The following CERK variants were observed in gnomAD, a reference collection of about 807,000 sequenced individuals.
CERK encodes the protein acylsphingosine kinase.
In CERK, 39 loss-of-function variants were observed where a neutral mutation model predicts 63.4. The ratio of observed to expected loss-of-function variants is 0.61; its 90% CI spans 0.48 to 0.80. The LOEUF (loss-of-function observed/expected upper bound fraction) is 0.80, where lower values mean the gene tolerates loss of function less well. Ranked by LOEUF, CERK falls within the 30% of genes least tolerant of loss-of-function variation. CERK has a pLI of 0.00. For synonymous variants in CERK, 302 were observed against 280.0 expected (o/e 1.08, Z -0.78); for missense variants, 670 against 714.1 (o/e 0.94, Z 0.70).
At chr22:46,693,957 G>A (rs1032571585) in intron 9 of CERK, 1 of 174,260 alleles carries the variant, frequency 5.7e-6, no homozygotes, top group African/African-American at 2.4e-5. Flanking sequence ...CATTCGTCTA[G>A]CACGTCCTTC....
rs556758428 is a variant in CERK, at chr22:46,695,248, C to T, written c.1011G>A (p.Thr337=). The T allele has an allele frequency of 1.4e-4, 231 of 1,611,180 alleles. No individual in the cohort carries two copies. In the South Asian group the frequency reaches 2.0e-3, roughly 14 times the overall value. The change falls in exon 9 of 13, where the codon ACG becomes ACA. Residue 337 remains threonine, a synonymous_variant. Coordinates refer to ENST00000216264, the MANE Select transcript of CERK (RefSeq NM_022766.6). Reference sequence around the variant, plus strand: ...GCTTCCTATCCCTTGGAGATCCCACCGTGTGTTGTGCAGGGAGGAAGGACA... The same window carrying T: ...GCTTCCTATCCCTTGGAGATCCCACTGTGTGTTGTGCAGGGAGGAAGGACA... ...GTVSFLPAQH[T]VGSPRDRKPC...
rs1420399588 is a variant in CERK, at chr22:46,691,656, C to T, written c.1248G>A (p.Gly416=). ...TCCGGATGAGGATGAGGTCAGAAGA[C>T]CCGTCTCCCAAGTGGGCAGCCGGGG... ...GLSPAAHLGD[G]SSDLILIRKC... The change falls in exon 11 of 13, where the codon GGG becomes GGA. Residue 416 remains glycine, a synonymous_variant. Coordinates refer to ENST00000216264, the MANE Select transcript of CERK (RefSeq NM_022766.6). 2.5e-6 allele frequency: 4 copies of T among 1,614,026 alleles called. No homozygotes were observed. Among genetic ancestry groups the T allele is most frequent in the Non-Finnish European group, 3.4e-6 (4 of 1,180,014 alleles).
chr22:46,702,840 T>G (rs2082794216), intron 6 of CERK, among the ~76,000 whole-genome samples: 1 of 152,214 alleles, frequency 6.6e-6, no homozygotes, highest in South Asian at 2.1e-4. Flanking sequence ...AAGAATGATT[T>G]GCATCCACAA....
chr22:46,692,089 T>C (rs1002518204), intron 10 of CERK, among the ~76,000 whole-genome samples: 1 of 152,178 alleles, frequency 6.6e-6, no homozygotes, highest in Non-Finnish European at 1.5e-5. Flanking sequence ...CCGCCGCCCG[T>C]CTGTGTGTGG....
intron 1 of CERK, among the ~76,000 whole-genome samples, chr22:46,732,510 G>C (rs1298560782): frequency 2.0e-5 from 3 of 151,640 alleles, no homozygotes; most frequent in Non-Finnish European, 4.4e-5. Context: ...GAGTATGAAA[G>C]TTTCTTAAAT....
chr22:46,732,112 C>A (rs956844616), intron 1 of CERK, among the ~76,000 whole-genome samples: 1 of 152,116 alleles, frequency 6.6e-6, no homozygotes, highest in Non-Finnish European at 1.5e-5. Context: ...TCCGGACAGC[C>A]GAATCGAGAA....
rs557403059 is a variant in CERK, at chr22:46,712,081, C to T, written c.505+87G>A. On this transcript the variant is annotated intron_variant, in intron 4 of 12. Coordinates refer to ENST00000216264, the MANE Select transcript of CERK (RefSeq NM_022766.6). ...CAGCCTGGGCAACAGAGTGAGACACCGTCTAGAAAAAGCAGAAACGTCTCT... is the reference window on the plus strand; with the variant it reads ...CAGCCTGGGCAACAGAGTGAGACACTGTCTAGAAAAAGCAGAAACGTCTCT... 5.1e-5 allele frequency: 75 copies of T among 1,470,822 alleles called. No homozygotes were observed. The South Asian group carries it at 8.1e-4, about 16-fold the overall frequency. The allele number at this position is 1,470,822 out of a possible 1,614,324, so 91.1% of individuals were successfully genotyped here.
chr22:46,703,431 G>A (rs1281108406), intron 6 of CERK, among the ~76,000 whole-genome samples: 1 of 152,050 alleles, frequency 6.6e-6, no homozygotes, highest in Admixed American at 6.6e-5. Flanking sequence ...GCATGAGTGA[G>A]TTCAGGTACC....
chr22:46,713,365 C>G (rs1351325446), intron 3 of CERK, among the ~76,000 whole-genome samples: 1 of 151,556 alleles, frequency 6.6e-6, no homozygotes, highest in African/African-American at 2.4e-5. Flanking sequence ...AAAAATTAGC[C>G]GGGCGTGGTG....
intron 7 of CERK, 52 bp from the exon 8 acceptor site, chr22:46,699,517 C>T (rs1569321047): frequency 2.6e-6 from 4 of 1,556,680 alleles, no homozygotes; most frequent in Non-Finnish European, 3.5e-6. Context: ...AGCCCCGCCC[C>T]ATCCACTCCA....
At chr22:46,703,613 C>A (rs1291489822) in intron 6 of CERK, among the ~76,000 whole-genome samples, 1 of 152,196 alleles carries the variant, frequency 6.6e-6, no homozygotes, top group East Asian at 1.9e-4. Flanking sequence ...CAAGGCGATG[C>A]TGCGGAGCAG....
chr22:46,728,265 G>C (rs1164386624), intron 1 of CERK, among the ~76,000 whole-genome samples: 1 of 152,018 alleles, frequency 6.6e-6, no homozygotes, highest in Non-Finnish European at 1.5e-5. Flanking sequence ...GGGACCGTAC[G>C]GTGCCTCAGG....
chr22:46,721,098 A>C (rs1368028162), intron 1 of CERK, 83 bp from the exon 2 acceptor site: 2 of 881,392 alleles, frequency 2.3e-6, no homozygotes, highest in Admixed American at 3.5e-5. Context: ...GAAGCTGAGA[A>C]TATTCTGCTT....
rs1484919192 is a variant in CERK, at chr22:46,686,252, C to G, written c.*882G>C. On this transcript the variant is annotated 3_prime_UTR_variant, in exon 13 of 13. Coordinates refer to ENST00000216264, the MANE Select transcript of CERK (RefSeq NM_022766.6). Reference sequence around the variant, plus strand: ...AAATCTGGACCACGTGTACAGACTTCAGGCCCTGCCTCAGAGGAGTCCTGC... The same window carrying G: ...AAATCTGGACCACGTGTACAGACTTGAGGCCCTGCCTCAGAGGAGTCCTGC... 1 of 152,256 alleles carries G rather than the reference C, an allele frequency of 6.6e-6. No homozygotes were observed. Among genetic ancestry groups the G allele is most frequent in the Admixed American group, 6.5e-5 (1 of 15,290 alleles). The allele number at this position is 152,256 out of a possible 1,614,324, so 9.4% of individuals were successfully genotyped here. A position where few individuals can be genotyped will look rare whatever the true frequency, so the allele number is the denominator to read the frequency against.
intron 1 of CERK, among the ~76,000 whole-genome samples, chr22:46,737,717 C>T (rs1205305051): frequency 6.6e-6 from 1 of 152,182 alleles, no homozygotes; most frequent in Non-Finnish European, 1.5e-5. Context: ...CCGGGGGCCA[C>T]GACCCCGCGC....
intron 1 of CERK, among the ~76,000 whole-genome samples, chr22:46,732,844 C>A (rs1371005129): frequency 6.6e-6 from 1 of 152,170 alleles, no homozygotes; most frequent in African/African-American, 2.4e-5. Context: ...TACTTATATC[C>A]ATTGCCATTT....
chr22:46,696,905 G>C (rs922477088), intron 8 of CERK, among the ~76,000 whole-genome samples: 1 of 152,224 alleles, frequency 6.6e-6, no homozygotes, highest in African/African-American at 2.4e-5. Context: ...GACAGGGAGG[G>C]GGCATCCCAG....
chr22:46,699,166 G>A (rs1275825609), intron 8 of CERK, 147 bp downstream of exon 8: 13 of 824,076 alleles, frequency 1.6e-5, no homozygotes, highest in Admixed American at 4.4e-5. Flanking sequence ...TTCTGGCCCC[G>A]GCACATTTCA....
rs1485331885 is a variant in CERK, at chr22:46,699,323, G to GT, written c.932dup (p.Tyr311Ter). ...ATTATTCTGAGTTACCTGAAAAGTC[G>GT]TATCTGGCAAGACCCAACCACCGTT... ...EKKRWLGLAR[Y>*]DFSGLKTFLS... Residue 311 changes from tyrosine to a stop codon, truncating the protein, a stop_gained and frameshift_variant, in exon 8 of 13, where the codon TAC (tyrosine) becomes TAAC (stop). Transcript: ENST00000216264. LOFTEE classifies it high-confidence loss of function. 1.9e-6 allele frequency: 3 copies of GT among 1,613,970 alleles called. No homozygotes were observed. Among genetic ancestry groups the GT allele is most frequent in the Non-Finnish European group, 2.5e-6 (3 of 1,179,976 alleles).
Sources: gnomAD v4.1 joint callset for allele counts (sites outside exome capture counted in the v4.1 genomes callset) on GRCh38, gnomAD v4.1.1 for gene constraint, MANE v1.5 for transcripts, NCBI Gene and HGNC (gene_info 2026-07-23, HGNC 2026-07-21) for gene names.